Variants in ASIC2 observed in about 807,000 individuals in gnomAD.
ASIC2 encodes acid sensing ion channel subunit 2.
In ASIC2, 25 loss-of-function variants were observed where a neutral mutation model predicts 57.3. The ratio of observed to expected loss-of-function variants is 0.44; its 90% confidence interval spans 0.32 to 0.61. ASIC2 has a LOEUF of 0.61. Among genes scored for constraint, ASIC2 ranks in the 20% least tolerant of loss-of-function variants. The pLI, the probability that ASIC2 is intolerant of heterozygous loss-of-function variation, is 0.06. For missense variants in ASIC2, 641 were observed against 738.1 expected (o/e 0.87, Z 1.52); for synonymous variants, 319 against 307.5 (o/e 1.04, Z -0.39).
chr17:34,035,081 G>T (rs1326440812), intron 1 of ASIC2, among the ~76,000 whole-genome samples: 1 of 150,694 alleles, frequency 6.6e-6, no homozygotes, highest in East Asian at 1.9e-4. Flanking sequence ...AAGAAAGCTG[G>T]AGGCATCACG....
At chr17:34,114,947 C>G (rs1258495980) in intron 1 of ASIC2, among the ~76,000 whole-genome samples, 1 of 152,140 alleles carries the variant, frequency 6.6e-6, no homozygotes, top group African/African-American at 2.4e-5. Flanking sequence ...CTAATGAGCA[C>G]CCCGTGATTA....
intron 1 of ASIC2, among the ~76,000 whole-genome samples, chr17:33,818,610 G>T (rs1912656968): frequency 6.6e-6 from 1 of 152,178 alleles, no homozygotes; most frequent in Non-Finnish European, 1.5e-5. Flanking sequence ...TGGGGCAAGT[G>T]ACACAGGCAT....
chr17:34,014,899 T>TTC (rs1906892887), intron 1 of ASIC2, among the ~76,000 whole-genome samples: 1 of 151,454 alleles, frequency 6.6e-6, no homozygotes, highest in Non-Finnish European at 1.5e-5. Flanking sequence ...GCTGCATTTT[T>TTC]TTTTTTTCTG....
intron 1 of ASIC2, among the ~76,000 whole-genome samples, chr17:33,885,026 C>T (rs981098176): frequency 6.6e-6 from 1 of 152,104 alleles, no homozygotes; most frequent in Non-Finnish European, 1.5e-5. Flanking sequence ...CTTCAAAAAC[C>T]CTTCAAAGCC....
At chr17:33,452,494 G>A (rs1411332794) in intron 1 of ASIC2, among the ~76,000 whole-genome samples, 1 of 152,196 alleles carries the variant, frequency 6.6e-6, no homozygotes, top group East Asian at 1.9e-4. Flanking sequence ...TATTATCACA[G>A]CCTCAGTCTT....
At chr17:33,627,415 CAAAT>C (rs1175989251) in intron 1 of ASIC2, 2 of 152,386 alleles carry the variant, frequency 1.3e-5, no homozygotes, top group African/African-American at 4.8e-5. Flanking sequence ...AAATGCTTCT[CAAAT>C]AAATATGTGG....
At chr17:33,177,679 A>G (rs1314848304) in intron 1 of ASIC2, among the ~76,000 whole-genome samples, 1 of 152,114 alleles carries the variant, frequency 6.6e-6, no homozygotes, top group Non-Finnish European at 1.5e-5. Context: ...TTATTTCTGA[A>G]CCCTCAAACC....
chr17:33,990,333 A>C (rs535210223), intron 1 of ASIC2, among the ~76,000 whole-genome samples: 2 of 152,346 alleles, frequency 1.3e-5, no homozygotes, highest in East Asian at 3.9e-4. Flanking sequence ...GTCTGGCAAC[A>C]GATAGATGCT....
At chr17:33,279,490 TC>T (rs1203413322) in intron 1 of ASIC2, among the ~76,000 whole-genome samples, 2 of 152,152 alleles carry the variant, frequency 1.3e-5, no homozygotes, top group African/African-American at 4.8e-5. Context: ...GGGAGGTCGG[TC>T]AAGGTATTAG....
Position 33,826,253 on chromosome 17 carries a change from T to C in ASIC2, c.555+329725A>G, listed in dbSNP as rs539878323. Among the ~76,000 whole-genome samples the C allele has an allele frequency of 3.5e-3, 531 of 152,352 alleles. 5 individuals are homozygous for C. The highest frequency in any genetic ancestry group is 0.012 in the African/African-American group (508 of 41,574). Reference sequence around the variant, plus strand: ...CTTCCCTTGAAATTCAGTGGTCCCATAGAGCTTACGTAAGCATAGTTCCTC... The same window carrying C: ...CTTCCCTTGAAATTCAGTGGTCCCACAGAGCTTACGTAAGCATAGTTCCTC... On this transcript the variant is annotated intron_variant, in intron 1 of 9. Transcript: ENST00000359872.
chr17:33,195,841 T>A (rs1181687690), intron 1 of ASIC2, among the ~76,000 whole-genome samples: 1 of 152,158 alleles, frequency 6.6e-6, no homozygotes, highest in Non-Finnish European at 1.5e-5. Flanking sequence ...CCCTCCTGGG[T>A]CATAGAGTGG....
At chr17:33,595,529 A>C (rs1278632416) in intron 1 of ASIC2, among the ~76,000 whole-genome samples, 2 of 152,206 alleles carry the variant, frequency 1.3e-5, no homozygotes, top group Non-Finnish European at 2.9e-5. Context: ...CCTCAGCTAT[A>C]GGGGCTTTTA....
At chr17:34,071,371 C>T (rs1909393220) in intron 1 of ASIC2, 1 of 152,136 alleles carries the variant, frequency 6.6e-6, no homozygotes, top group Non-Finnish European at 1.5e-5. Flanking sequence ...CCAACACATC[C>T]ACTTCTCACC....
At chr17:34,037,799 G>T in intron 1 of ASIC2, 1 of 1,614,188 alleles carries the variant, frequency 6.2e-7, no homozygotes, top group Non-Finnish European at 8.5e-7. Context: ...CAACGCCTTT[G>T]CTTCAGGTGT....
chr17:33,706,355 G>A (rs1364284839), intron 1 of ASIC2, among the ~76,000 whole-genome samples: 1 of 151,648 alleles, frequency 6.6e-6, no homozygotes, highest in Non-Finnish European at 1.5e-5. Context: ...CAGTAGCTGG[G>A]ACTGCAGGTA....
At chr17:33,618,556 G>T (rs1426807737) in intron 1 of ASIC2, among the ~76,000 whole-genome samples, 2 of 152,122 alleles carry the variant, frequency 1.3e-5, no homozygotes, top group Non-Finnish European at 2.9e-5. Context: ...TGCCATTGTG[G>T]TACCAGCCCT....
intron 1 of ASIC2, chr17:33,579,958 G>C (rs1014299798): frequency 6.6e-6 from 1 of 152,042 alleles, no homozygotes; most frequent in East Asian, 1.9e-4. Context: ...TGATTGGTCC[G>C]TTTTTACAGA....
chr17:33,483,356 C>T lies in ASIC2; in HGVS notation c.556-371289G>A, dbSNP rs115839659. Reference sequence around the variant, plus strand: ...TACAGCCACACATCTGGACTGCTTCCGAAGGAGCTGGAATGCCATCAACCT... The same window carrying T: ...TACAGCCACACATCTGGACTGCTTCTGAAGGAGCTGGAATGCCATCAACCT... On this transcript the variant is annotated intron_variant, in intron 1 of 9. Transcript: ENST00000359872. Among the ~76,000 whole-genome samples the T allele has an allele frequency of 4.4e-3, 675 of 152,354 alleles. 8 individuals are homozygous for T. Among genetic ancestry groups the T allele is most frequent in the African/African-American group, 0.015 (640 of 41,570 alleles).
At chr17:33,613,271 C>T (rs1905472576) in intron 1 of ASIC2, among the ~76,000 whole-genome samples, 2 of 151,962 alleles carry the variant, frequency 1.3e-5, no homozygotes, top group Middle Eastern at 3.2e-3. Flanking sequence ...ATAAGATTTT[C>T]TCTCCTCATT....
Sources: allele counts gnomAD v4.1 joint callset (sites outside exome capture counted in the v4.1 genomes callset), GRCh38; gene constraint gnomAD v4.1.1; transcripts MANE v1.5; gene names NCBI Gene and HGNC (gene_info 2026-07-23, HGNC 2026-07-21).